RELCH: variants seen among roughly 807,000 people sequenced by gnomAD.
RELCH encodes the protein RAB11 binding and LisH domain, coiled-coil and HEAT repeat containing.
In RELCH, 41 loss-of-function variants were observed where a neutral mutation model predicts 150.3. The ratio of observed to expected loss-of-function variants is 0.27; its 90% confidence interval spans 0.21 to 0.35. The LOEUF is 0.35. Ranked by LOEUF, RELCH falls within the 10% of genes least tolerant of loss-of-function variation. The probability of loss-of-function intolerance (pLI) is 1.00; values close to 1 mark genes in which losing one functional copy is unlikely to be tolerated. For synonymous variants in RELCH, 478 were observed against 531.8 expected (o/e 0.90, Z 1.39); for missense variants, 1,092 against 1,467.8 (o/e 0.74, Z 4.18).
chr18:62,289,098 AG>A (rs2044973052), intron 26 of RELCH, among the ~76,000 whole-genome samples: 1 of 152,180 alleles, frequency 6.6e-6, no homozygotes, highest in South Asian at 2.1e-4. Context: ...TGGTTTCCAA[AG>A]GGCATAGAAA....
chr18:62,279,528 A>G (rs1228657196), intron 22 of RELCH, among the ~76,000 whole-genome samples: 1 of 152,108 alleles, frequency 6.6e-6, no homozygotes, highest in African/African-American at 2.4e-5. Flanking sequence ...CAAAAGTACA[A>G]ACTGCTGTTA....
chr18:62,192,205 G>A (rs2038694646), intron 1 of RELCH, among the ~76,000 whole-genome samples: 1 of 152,164 alleles, frequency 6.6e-6, no homozygotes, highest in African/African-American at 2.4e-5. Context: ...TTTGAGAAAT[G>A]TCCATTCGTG....
At position 62,222,641 on chromosome 18, in the gene RELCH, C is replaced by G. The variant is rs557900245; in HGVS notation, c.858+1144C>G. ...TCAGAAATTAGAGATGTCAACAATG[C>G]TCTCTCAATAATTAATAGAACAAGT... On this transcript the variant is annotated intron_variant, in intron 5 of 28. Transcript: ENST00000644646. Among the ~76,000 whole-genome samples the G allele has an allele frequency of 3.2e-4, 48 of 151,974 alleles. No homozygotes were observed. In the South Asian group the frequency reaches 5.6e-3, roughly 18 times the overall value.
chr18:62,297,780 A>G (rs1290291527), intron 27 of RELCH, among the ~76,000 whole-genome samples: 1 of 152,138 alleles, frequency 6.6e-6, no homozygotes, highest in African/African-American at 2.4e-5. Context: ...TCCTTAGGAC[A>G]TGGCAGGTCT....
chr18:62,305,640 C>G lies in RELCH; in HGVS notation c.*106C>G. On this transcript the variant is annotated 3_prime_UTR_variant, in exon 29 of 29. Coordinates refer to ENST00000644646, the MANE Select transcript of RELCH (RefSeq NM_001346231.2). The surrounding 1 kb of genome is among the most constrained non-coding windows in gnomAD (Gnocchi z 4.0). The stretch of plus-strand genomic sequence containing the variant: ...TTGTTTCCTCAGTTTTATGTTCTTG[C>G]ATTATAATTTTATCCTAACCTCCAA... 1 of 1,203,462 alleles carries G rather than the reference C, an allele frequency of 8.3e-7. No individual in the cohort carries two copies. Among genetic ancestry groups the G allele is most frequent in the Non-Finnish European group, 1.1e-6 (1 of 873,224 alleles). 74.5% of individuals were successfully genotyped at this position (1,203,462 alleles called of 1,614,324 possible).
Position 62,188,986 on chromosome 18 carries a change from T to C in RELCH, c.526+955T>C, listed in dbSNP as rs574427955. Among the ~76,000 whole-genome samples, 41 of 152,356 alleles carry C rather than the reference T, an allele frequency of 2.7e-4. No individual in the cohort carries two copies. In the East Asian group the frequency reaches 3.5e-3, roughly 13 times the overall value. ...TTTTAAACTGCAGCCTAATTGATTT[T>C]TTTTTAATCACTATGCTTTTGAATA... On this transcript the variant is annotated intron_variant, in intron 1 of 28. Transcript: ENST00000644646.
In RELCH at chr18:62,228,597, A is replaced by G; in HGVS notation, c.1447A>G (p.Arg483Gly). ...KKTVHFDKPN[R>G]KLSPAFHQAL... ...GACAGTTCATTTTGATAAACCTAATAGGTTAGTATGCATCCTATATTTTGA... is the reference window on the plus strand; with the variant it reads ...GACAGTTCATTTTGATAAACCTAATGGGTTAGTATGCATCCTATATTTTGA... The change falls in exon 8 of 29, where the codon AGG becomes GGG. Residue 483 changes from arginine to glycine, a missense_variant and splice_region_variant. Transcript: ENST00000644646. The G allele has an allele frequency of 1.2e-6, 2 of 1,600,250 alleles. No homozygotes were observed. The highest frequency in any genetic ancestry group is 1.3e-5 in the African/African-American group (1 of 74,516).
At chr18:62,262,825 A>G (rs934115554) in intron 16 of RELCH, among the ~76,000 whole-genome samples, 3 of 151,966 alleles carry the variant, frequency 2.0e-5, no homozygotes, top group Admixed American at 6.6e-5. Context: ...TGGCTTAAAC[A>G]ACAGAAATTT....
chr18:62,252,888 G>A, intron 12 of RELCH, 134 bp downstream of exon 12: 1 of 665,780 alleles, frequency 1.5e-6, no homozygotes, highest in East Asian at 2.7e-5. Flanking sequence ...GCCCAGCACA[G>A]TGATTTATTA....
intron 25 of RELCH, chr18:62,285,964 C>T (rs1042689094): frequency 1.3e-5 from 2 of 152,074 alleles, no homozygotes; most frequent in Non-Finnish European, 2.9e-5. Flanking sequence ...GTCTGTCTTC[C>T]TGAGAATTAG....
intron 10 of RELCH, among the ~76,000 whole-genome samples, chr18:62,234,378 C>T (rs117379775): frequency 0.028 from 4,308 of 151,290 alleles, 94 homozygotes; most frequent in Non-Finnish European, 0.042. Context: ...AGTACAGTGG[C>T]ACAGTCATGG....
intron 11 of RELCH, chr18:62,245,857 T>C (rs897903960): frequency 6.6e-6 from 1 of 152,178 alleles, no homozygotes; most frequent in African/African-American, 2.4e-5. Context: ...GATTAGATTA[T>C]GCCCAAACCC....
intron 1 of RELCH, among the ~76,000 whole-genome samples, chr18:62,197,067 G>A (rs1160476216): frequency 2.0e-5 from 3 of 152,238 alleles, no homozygotes; most frequent in African/African-American, 7.2e-5. Context: ...AGTAAGGAAA[G>A]GAAAAGGAAG....
At chr18:62,304,653 A>C (rs910887619) in intron 28 of RELCH, among the ~76,000 whole-genome samples, 1 of 152,250 alleles carries the variant, frequency 6.6e-6, no homozygotes, top group African/African-American at 2.4e-5. Flanking sequence ...CTAGATTCCA[A>C]GTCTATTACA....
At chr18:62,285,442 A>T (rs1345796300) in intron 25 of RELCH, 1 of 152,074 alleles carries the variant, frequency 6.6e-6, no homozygotes, top group Non-Finnish European at 1.5e-5. Context: ...TTTCTTTCCC[A>T]CTGAAGGTCA....
At position 62,212,211 on chromosome 18, in the gene RELCH, C is replaced by T. The variant is rs146178550; in HGVS notation, c.616+969C>T. On this transcript the variant is annotated intron_variant, in intron 2 of 28. Transcript: ENST00000644646. Reference sequence around the variant, plus strand: ...GAATTCACCCCGTTAGCAGCCTTGGCTCCTTGAGTGTAAATATCTGCTACC... The same window carrying T: ...GAATTCACCCCGTTAGCAGCCTTGGTTCCTTGAGTGTAAATATCTGCTACC... Among the ~76,000 whole-genome samples, 66 of 152,338 alleles carry T rather than the reference C, an allele frequency of 4.3e-4. 1 individual carries two copies. In the Middle Eastern group the frequency reaches 0.014, roughly 31 times the overall value.
intron 20 of RELCH, among the ~76,000 whole-genome samples, chr18:62,272,670 T>G (rs1335178958): frequency 6.6e-6 from 1 of 152,074 alleles, no homozygotes; most frequent in Non-Finnish European, 1.5e-5. Flanking sequence ...AAACAAAAAT[T>G]ATCTTGAATC....
intron 5 of RELCH, among the ~76,000 whole-genome samples, chr18:62,222,481 A>G (rs2040941071): frequency 6.6e-6 from 1 of 151,958 alleles, no homozygotes; most frequent in Non-Finnish European, 1.5e-5. Context: ...GTCAAAAAGA[A>G]CACAGAAAAA....
intron 2 of RELCH, among the ~76,000 whole-genome samples, chr18:62,214,528 A>G (rs899164829): frequency 6.6e-6 from 1 of 151,950 alleles, no homozygotes; most frequent in African/African-American, 2.4e-5. Context: ...AAGTGGTCCT[A>G]CTCCCACAGC....
Sources: gnomAD v4.1 joint callset for allele counts (sites outside exome capture counted in the v4.1 genomes callset) on GRCh38, gnomAD v4.1.1 for gene constraint, Gnocchi (gnomAD v3.1) non-coding constraint, MANE v1.5 for transcripts, NCBI Gene and HGNC (gene_info 2026-07-23, HGNC 2026-07-21) for gene names.